The following STK11IP variants were observed in gnomAD, a reference collection of about 807,000 sequenced individuals.
The protein encoded by STK11IP is serine/threonine-protein kinase 11-interacting protein.
In STK11IP, 103 loss-of-function variants were observed where a neutral mutation model predicts 131.7. That is an observed-to-expected ratio of 0.78 (90% confidence interval 0.67 to 0.92). The LOEUF (loss-of-function observed/expected upper bound fraction) is 0.92, where lower values mean the gene tolerates loss of function less well. STK11IP is among the 40% of genes least tolerant of loss of function. The probability of loss-of-function intolerance (pLI) is 0.00; values close to 1 mark genes in which losing one functional copy is unlikely to be tolerated. For synonymous variants in STK11IP, 557 were observed against 575.6 expected (o/e 0.97, Z 0.46); for missense variants, 1,315 against 1,385.7 (o/e 0.95, Z 0.81).
In STK11IP at chr2:219,613,764, T is replaced by C; in HGVS notation, c.2550T>C (p.Ala850=). The C allele has an allele frequency of 6.2e-7, 1 of 1,612,398 alleles. No individual in the cohort carries two copies. The highest frequency in any genetic ancestry group is 8.5e-7 in the Non-Finnish European group (1 of 1,179,624). The change falls in exon 21 of 25, where the codon GCT becomes GCC. Residue 850 remains alanine (A), a synonymous_variant. Transcript: ENST00000456909. ...CCTCTCTCCACAGTGAGCCTCCAGCTAGCTGGCTGCAGCTGACCCTGGCTG... is the reference window on the plus strand; with the variant it reads ...CCTCTCTCCACAGTGAGCCTCCAGCCAGCTGGCTGCAGCTGACCCTGGCTG... ...KVTGEMREPP[A]SWLQLTLAVP... is the part of the protein sequence containing the mutation.
chr2:219,602,987 T>C (rs1402526638), intron 7 of STK11IP, among the ~76,000 whole-genome samples: 1 of 152,106 alleles, frequency 6.6e-6, no homozygotes, highest in African/African-American at 2.4e-5. Context: ...AGCAAGTTAG[T>C]TACCTCTTGG....
intron 2 of STK11IP, 171 bp downstream of exon 2, chr2:219,598,351 C>G: frequency 1.9e-6 from 1 of 528,168 alleles, no homozygotes; most frequent in South Asian, 3.0e-5. Context: ...TGTCCTTTGC[C>G]TGTGATAGCC....
chr2:219,614,233 A>T lies in STK11IP; in HGVS notation c.2789A>T (p.His930Leu). 2 of 1,613,298 alleles carry T rather than the reference A, an allele frequency of 1.2e-6. No homozygotes were observed. Among genetic ancestry groups the T allele is most frequent in the Non-Finnish European group, 1.7e-6 (2 of 1,179,742 alleles). ...SATEEEVTPQ[H>L]RLWPLLEKDS... is the part of the protein sequence containing the mutation. ...ACAGAGGAGGAGGTCACCCCCCAGC[A>T]CCGGCTCTGGTGAGTCGATAGGAGG... Residue 930 changes from histidine to leucine, a missense_variant, in exon 22 of 25, where the codon CAC (histidine) becomes CTC (leucine). His to Leu is a moderately conservative substitution (Grantham distance 99). Coordinates refer to ENST00000456909, the MANE Select transcript of STK11IP (RefSeq NM_052902.4).
chr2:219,612,239 G>C (rs1041444725), intron 19 of STK11IP, among the ~76,000 whole-genome samples, 181 bp downstream of exon 19: 1 of 152,188 alleles, frequency 6.6e-6, no homozygotes, highest in African/African-American at 2.4e-5. Context: ...CCCAGTTGTT[G>C]CCTGTCTGCA....
intron 2 of STK11IP, among the ~76,000 whole-genome samples, chr2:219,600,032 G>C (rs973673601): frequency 7.3e-6 from 1 of 136,930 alleles, no homozygotes; most frequent in Admixed American, 7.7e-5. Flanking sequence ...CACCACGCCT[G>C]CCCTTTGTGT....
Position 219,608,702 on chromosome 2 carries a change from C to T in STK11IP, c.1723C>T (p.Arg575Cys), listed in dbSNP as rs201039349. 266 of 1,613,498 alleles carry T rather than the reference C, an allele frequency of 1.6e-4. No homozygotes were observed. The highest frequency in any genetic ancestry group is 2.1e-4 in the Non-Finnish European group (244 of 1,179,806). ...HLFEVELQAA[R>C]TLERLELQSL... is the part of the protein sequence containing the mutation. ...GTTTGAGGTGGAACTCCAAGCAGCTCGCACCTTGGAGCGACTGGAGCTCCA... is the reference window on the plus strand; with the variant it reads ...GTTTGAGGTGGAACTCCAAGCAGCTTGCACCTTGGAGCGACTGGAGCTCCA... Residue 575 changes from arginine to cysteine, a missense_variant, in exon 15 of 25, where the codon CGC becomes TGC. Coordinates refer to ENST00000456909, the MANE Select transcript of STK11IP (RefSeq NM_052902.4).
At chr2:219,602,920 A>G (rs1698037575) in intron 7 of STK11IP, 144 bp downstream of exon 7, 1 of 765,356 alleles carries the variant, frequency 1.3e-6, no homozygotes, top group East Asian at 2.7e-5. Flanking sequence ...CTGCTTAGAC[A>G]CTAGCATCAG....
chr2:219,602,834 ACT>A (rs1034359507), intron 7 of STK11IP, 58 bp downstream of exon 7: 4 of 1,520,240 alleles, frequency 2.6e-6, no homozygotes, highest in East Asian at 4.6e-5. Flanking sequence ...CTCTGCTCTC[ACT>A]CTCTCTCCTT....
At chr2:219,611,471 G>T in intron 17 of STK11IP, 133 bp from the exon 18 acceptor site, 5 of 730,022 alleles carry the variant, frequency 6.8e-6, no homozygotes, top group Admixed American at 2.2e-5. Context: ...GGCCTGGGGC[G>T]CGGTGGTTGT....
At chr2:219,615,733 T>C (rs1698551608) in intron 24 of STK11IP, 1 of 651,644 alleles carries the variant, frequency 1.5e-6, no homozygotes, top group Non-Finnish European at 2.9e-6. Context: ...TTGGGGATGT[T>C]AACCAGTTTG....
At chr2:219,598,419 T>A in intron 2 of STK11IP, 1 of 455,264 alleles carries the variant, frequency 2.2e-6, no homozygotes, top group Non-Finnish European at 3.9e-6. Context: ...GTGCCTTCTC[T>A]GACACTGTCA....
Position 219,616,067 on chromosome 2 carries a change from G to A in STK11IP, c.3141G>A (p.Trp1047Ter), listed in dbSNP as rs765140630. 5.6e-6 allele frequency: 9 copies of A among 1,613,710 alleles called. No individual in the cohort carries two copies. Among genetic ancestry groups the A allele is most frequent in the Non-Finnish European group, 7.6e-6 (9 of 1,179,866 alleles). Residue 1047 changes from tryptophan (W) to a stop codon, truncating the protein, a stop_gained, in exon 25 of 25, where the codon TGG (tryptophan) becomes TGA (stop). Transcript: ENST00000456909. LOFTEE classifies it high-confidence loss of function. ...YDEVSRLESF[W>*]ALRVVCQEQL... ...AGGTGTCCCGGCTGGAGAGCTTTTGGGCACTCCGTGTGGTGTGTCAGGAGC... is the reference window on the plus strand; with the variant it reads ...AGGTGTCCCGGCTGGAGAGCTTTTGAGCACTCCGTGTGGTGTGTCAGGAGC...
At position 219,608,148 on chromosome 2, in the gene STK11IP, G is replaced by A. The variant is rs748364877; in HGVS notation, c.1321G>A (p.Gly441Arg). 1.8e-5 allele frequency: 29 copies of A among 1,613,436 alleles called. No individual in the cohort carries two copies. Among genetic ancestry groups the A allele is most frequent in the Admixed American group, 5.0e-5 (3 of 60,006 alleles). The change falls in exon 14 of 25, where the codon GGA (glycine) becomes AGA (arginine). Residue 441 changes from glycine (G) to arginine (R), a missense_variant. Coordinates refer to ENST00000456909, the MANE Select transcript of STK11IP (RefSeq NM_052902.4). Reference protein sequence around the residue: ...LQYRSHLEPSGNPLPATPTTS... With the variant: ...LQYRSHLEPSRNPLPATPTTS... ...GTACAGGAGTCACCTGGAGCCCTCCGGAAACCCTCTGCCGGCCACCCCCAC... is the reference window on the plus strand; with the variant it reads ...GTACAGGAGTCACCTGGAGCCCTCCAGAAACCCTCTGCCGGCCACCCCCAC...
At chr2:219,614,340 C>T (rs1698504456) in intron 22 of STK11IP, 98 bp downstream of exon 22, 1 of 1,532,920 alleles carries the variant, frequency 6.5e-7, no homozygotes, top group Non-Finnish European at 9.0e-7. Context: ...GGGCAGCCAC[C>T]TGTCCTCATG....
At chr2:219,598,662 C>G (rs151005913) in intron 2 of STK11IP, among the ~76,000 whole-genome samples, 4 of 152,174 alleles carry the variant, frequency 2.6e-5, no homozygotes, top group Non-Finnish European at 5.9e-5. Context: ...TGTGGGGATT[C>G]GTTTTAATTC....
At position 219,611,779 on chromosome 2, in the gene STK11IP, C is replaced by T; in HGVS notation, c.2280C>T (p.Asn760=). Residue 760 remains asparagine, a synonymous_variant, in exon 18 of 25, where the codon AAC becomes AAT. Transcript: ENST00000456909. ...GHGDHLDRAK[N]SPPQAPSTRD... ...GTGACCACCTTGACAGGGCCAAGAACAGCCCACCTCAGGCACCGAGCACCC... is the reference window on the plus strand; with the variant it reads ...GTGACCACCTTGACAGGGCCAAGAATAGCCCACCTCAGGCACCGAGCACCC... The T allele has an allele frequency of 6.2e-7, 1 of 1,613,058 alleles. No homozygotes were observed. The highest frequency in any genetic ancestry group is 1.1e-5 in the South Asian group (1 of 91,080).
intron 19 of STK11IP, among the ~76,000 whole-genome samples, chr2:219,612,739 G>A (rs550717757): frequency 6.6e-6 from 1 of 152,012 alleles, no homozygotes; most frequent in East Asian, 1.9e-4. Flanking sequence ...GACTCTGGGG[G>A]GCCGGCAGGG....
intron 24 of STK11IP, 62 bp from the exon 25 acceptor site, chr2:219,615,982 C>T (rs1698557820): frequency 6.3e-7 from 1 of 1,590,126 alleles, no homozygotes; most frequent in Admixed American, 1.7e-5. Flanking sequence ...CAGAGACCTC[C>T]CTTGTACCCA....
At chr2:219,609,674 G>A in intron 17 of STK11IP, 134 bp downstream of exon 17, 1 of 1,054,358 alleles carries the variant, frequency 9.5e-7, no homozygotes, top group Middle Eastern at 2.8e-4. Context: ...TCTGCCTGGA[G>A]GAAAAAGAAA....
Sources: allele counts gnomAD v4.1 joint callset (sites outside exome capture counted in the v4.1 genomes callset), GRCh38; gene constraint gnomAD v4.1.1; transcripts MANE v1.5; gene names NCBI Gene and HGNC (gene_info 2026-07-23, HGNC 2026-07-21).